Variants in ITFG1 observed in about 807,000 individuals in gnomAD.
ITFG1 encodes the protein integrin alpha FG-GAP repeat containing 1, also known as T-cell immunomodulatory protein.
In ITFG1, 34 loss-of-function variants were observed where a neutral mutation model predicts 81.8. The observed-to-expected ratio is 0.42, with a 90% CI of 0.32 to 0.55. The LOEUF (loss-of-function observed/expected upper bound fraction) is 0.55, where lower values mean the gene tolerates loss of function less well. Ranked by LOEUF, ITFG1 falls within the 20% of genes least tolerant of loss-of-function variation. The pLI is 0.17. For missense variants in ITFG1, 672 were observed against 755.4 expected (o/e 0.89, Z 1.29); for synonymous variants, 285 against 270.6 (o/e 1.05, Z -0.52).
intron 10 of ITFG1, among the ~76,000 whole-genome samples, chr16:47,288,125 T>G (rs747466902): frequency 6.6e-6 from 1 of 152,224 alleles, no homozygotes; most frequent in Non-Finnish European, 1.5e-5. Flanking sequence ...AACCTCTATC[T>G]TAAGTAACAA....
intron 10 of ITFG1, among the ~76,000 whole-genome samples, chr16:47,292,654 C>A (rs911892903): frequency 1.3e-5 from 2 of 152,046 alleles, no homozygotes; most frequent in Non-Finnish European, 2.9e-5. Context: ...ATCCCTCAAC[C>A]CCCCTCACCC....
chr16:47,419,300 A>G (rs1209207543), intron 6 of ITFG1, among the ~76,000 whole-genome samples: 1 of 151,692 alleles, frequency 6.6e-6, no homozygotes, highest in African/African-American at 2.4e-5. Flanking sequence ...ACAGGGTCTC[A>G]CTCTGTCACT....
intron 12 of ITFG1, among the ~76,000 whole-genome samples, chr16:47,250,259 CTT>C (rs987166174): frequency 6.6e-6 from 1 of 151,712 alleles, no homozygotes; most frequent in Non-Finnish European, 1.5e-5. Context: ...ATCATATGCT[CTT>C]TGTAAAAAAA....
chr16:47,283,742 C>A (rs1433286584), intron 10 of ITFG1, among the ~76,000 whole-genome samples: 1 of 152,146 alleles, frequency 6.6e-6, no homozygotes, highest in Admixed American at 6.6e-5. Flanking sequence ...TCTGTGTTTT[C>A]CTAAAAGACA....
rs200063278 is a variant in ITFG1, at chr16:47,263,725, C to CTGAA, written c.1071-3034_1071-3031dup. On this transcript the variant is annotated intron_variant, in intron 10 of 17. Transcript: ENST00000320640. Reference sequence around the variant, plus strand: ...TAAGGTACTCTACTCACTACTTTACCTGAATGAATGAATGAATGAATAAAT... The same window carrying CTGAA: ...TAAGGTACTCTACTCACTACTTTACCTGAATGAATGAATGAATGAATGAATAAAT... 5.7e-3 allele frequency among the ~76,000 whole-genome samples: 865 copies of CTGAA among 152,010 alleles called. 6 individuals are homozygous for CTGAA. Among genetic ancestry groups the CTGAA allele is most frequent in the African/African-American group, 0.02 (810 of 41,430 alleles).
At chr16:47,181,256 C>G (rs533936000) in intron 14 of ITFG1, among the ~76,000 whole-genome samples, 1 of 143,076 alleles carries the variant, frequency 7.0e-6, no homozygotes, top group African/African-American at 2.6e-5. Flanking sequence ...GGAGCCCCTC[C>G]GCCCGGCAGC....
chr16:47,406,008 C>G (rs1968724032), intron 6 of ITFG1, among the ~76,000 whole-genome samples: 1 of 152,150 alleles, frequency 6.6e-6, no homozygotes, highest in East Asian at 1.9e-4. Context: ...GAAGTTACGG[C>G]ATACTTGAAA....
At chr16:47,196,296 C>T (rs753832740) in intron 14 of ITFG1, 2 of 151,124 alleles carry the variant, frequency 1.3e-5, no homozygotes, top group Non-Finnish European at 2.9e-5. Flanking sequence ...AGATTCTTGG[C>T]TATTAATTAC....
intron 14 of ITFG1, among the ~76,000 whole-genome samples, chr16:47,207,151 C>T (rs1185667688): frequency 3.3e-5 from 5 of 152,152 alleles, no homozygotes; most frequent in African/African-American, 7.2e-5. Context: ...GGCGCCATCT[C>T]GGCTCACTGC....
At chr16:47,179,580 C>T (rs1260555252) in intron 14 of ITFG1, among the ~76,000 whole-genome samples, 1 of 152,002 alleles carries the variant, frequency 6.6e-6, no homozygotes, top group Non-Finnish European at 1.5e-5. Flanking sequence ...TTGAATTGTA[C>T]ACTTAAGATG....
At chr16:47,396,234 G>A in intron 6 of ITFG1, 1 of 876,912 alleles carries the variant, frequency 1.1e-6, no homozygotes, top group Non-Finnish European at 1.4e-6. Context: ...TGCCAAAATG[G>A]AGTAGGTACA....
rs778290222 is a variant in ITFG1, at chr16:47,313,749, C to G, written c.877G>C (p.Val293Leu). ...KNCQKSTIYL[V>L]RSGMKQWVPV... is the part of the protein sequence containing the mutation. ...TATACCTGCTTCATCCCAGATCTCA[C>G]TAAGTAGATGGTACTCTTTTGGCAA... The change falls in exon 9 of 18, where the codon GTG becomes CTG. Residue 293 changes from valine (V) to leucine (L), a missense_variant. Coordinates refer to ENST00000320640, the MANE Select transcript of ITFG1 (RefSeq NM_030790.5). 2 of 1,596,822 alleles carry G rather than the reference C, an allele frequency of 1.3e-6. No homozygotes were observed. The highest frequency in any genetic ancestry group is 2.2e-5 in the South Asian group (2 of 89,810).
At chr16:47,455,214 T>C (rs1969436442) in intron 2 of ITFG1, among the ~76,000 whole-genome samples, 1 of 152,184 alleles carries the variant, frequency 6.6e-6, no homozygotes, top group Non-Finnish European at 1.5e-5. Context: ...GCAATACATT[T>C]CCAATTATTT....
At chr16:47,163,055 G>T (rs1015103630) in intron 14 of ITFG1, among the ~76,000 whole-genome samples, 1 of 152,122 alleles carries the variant, frequency 6.6e-6, no homozygotes, top group Non-Finnish European at 1.5e-5. Context: ...CCCTGCCTCG[G>T]GCTCTCAAAA....
In ITFG1 at chr16:47,388,337, T is replaced by C. The variant is rs12444185; in HGVS notation, c.656-12397A>G. On this transcript the variant is annotated intron_variant, in intron 6 of 17. Transcript: ENST00000320640. Reference sequence around the variant, plus strand: ...TTGATGAAAAACATTAATATTCACATCTAAGAAGCTCAATAAATGTGATGC... The same window carrying C: ...TTGATGAAAAACATTAATATTCACACCTAAGAAGCTCAATAAATGTGATGC... Among the ~76,000 whole-genome samples, 523 of 152,192 alleles carry C rather than the reference T, an allele frequency of 3.4e-3. 5 individuals carry two copies. The highest frequency in any genetic ancestry group is 0.023 in the East Asian group (121 of 5,180).
chr16:47,319,800 T>C (rs1967420499), intron 8 of ITFG1, among the ~76,000 whole-genome samples: 1 of 152,248 alleles, frequency 6.6e-6, no homozygotes, highest in Non-Finnish European at 1.5e-5. Flanking sequence ...CTTTGCTTTG[T>C]CCTTGTAAAT....
At chr16:47,157,186 G>C (rs1352170295) in intron 17 of ITFG1, among the ~76,000 whole-genome samples, 1 of 152,078 alleles carries the variant, frequency 6.6e-6, no homozygotes, top group African/African-American at 2.4e-5. Context: ...GAGCTATCAT[G>C]GTGACAGTTG....
intron 8 of ITFG1, among the ~76,000 whole-genome samples, chr16:47,354,317 A>C (rs148737928): frequency 6.6e-6 from 1 of 152,326 alleles, no homozygotes; most frequent in East Asian, 1.9e-4. Flanking sequence ...CAGTCTCTTC[A>C]ATAAATGGTG....
intron 14 of ITFG1, among the ~76,000 whole-genome samples, chr16:47,181,611 G>A (rs931525158): frequency 4.7e-5 from 7 of 149,906 alleles, no homozygotes; most frequent in Non-Finnish European, 5.9e-5. Flanking sequence ...GGTGAGGGGC[G>A]CCTCTGCCCG....
Sources: gnomAD v4.1 joint callset for allele counts (sites outside exome capture counted in the v4.1 genomes callset) on GRCh38, gnomAD v4.1.1 for gene constraint, MANE v1.5 for transcripts, NCBI Gene and HGNC (gene_info 2026-07-23, HGNC 2026-07-21) for gene names.